The following SYT16 variants were observed in gnomAD, a reference collection of about 807,000 sequenced individuals.
SYT16 encodes synaptotagmin 16, also known as synaptotagmin-16.
In SYT16, 42 loss-of-function variants were observed where a neutral mutation model predicts 61.4. The ratio of observed to expected loss-of-function variants is 0.68; its 90% CI spans 0.53 to 0.89. The LOEUF is 0.89. SYT16 is among the 40% of genes least tolerant of loss of function. The pLI, the probability that SYT16 is intolerant of heterozygous loss-of-function variation, is 0.00. For synonymous variants in SYT16, 314 were observed against 302.3 expected, an observed-to-expected ratio of 1.04 and a Z score of -0.40; for missense variants, 804 against 807.3, an observed-to-expected ratio of 1.00 and a Z score of 0.05.
intron 1 of SYT16, chr14:61,864,894 C>T (rs1204249736): frequency 1.2e-5 from 15 of 1,239,374 alleles, no homozygotes; most frequent in Admixed American, 1.7e-5. Context: ...ACCAACTGCG[C>T]GGATGGCGGG....
intron 1 of SYT16, among the ~76,000 whole-genome samples, chr14:61,861,509 A>C (rs1189396435): frequency 6.6e-6 from 1 of 152,120 alleles, no homozygotes; most frequent in Non-Finnish European, 1.5e-5. Context: ...TCTTGGGCTC[A>C]GGCTCTTGCT....
intron 2 of SYT16, among the ~76,000 whole-genome samples, chr14:61,975,876 A>T (rs2051770208): frequency 6.6e-6 from 1 of 152,208 alleles, no homozygotes; most frequent in South Asian, 2.1e-4. Context: ...CAGTCCCCCA[A>T]AGTCTTAATT....
At chr14:61,890,214 T>C (rs1190632503) in intron 1 of SYT16, among the ~76,000 whole-genome samples, 1 of 152,152 alleles carries the variant, frequency 6.6e-6, no homozygotes, top group Non-Finnish European at 1.5e-5. Context: ...GCTTCTGGGC[T>C]GTGGGTAGTT....
chr14:61,885,335 G>GT (rs1189264697), intron 1 of SYT16, among the ~76,000 whole-genome samples: 2 of 152,114 alleles, frequency 1.3e-5, no homozygotes, highest in African/African-American at 4.8e-5. Flanking sequence ...GCCATGGAGT[G>GT]TTTTTGTGAG....
intron 3 of SYT16, among the ~76,000 whole-genome samples, chr14:61,999,533 C>T (rs1034619463): frequency 2.0e-5 from 3 of 151,556 alleles, no homozygotes; most frequent in Non-Finnish European, 4.4e-5. Flanking sequence ...GTCTATCCAC[C>T]TACCTATCTG....
At chr14:62,039,861 A>G (rs2054651524) in intron 3 of SYT16, among the ~76,000 whole-genome samples, 1 of 139,294 alleles carries the variant, frequency 7.2e-6, no homozygotes, top group African/African-American at 2.7e-5. Flanking sequence ...ACACACACAC[A>G]CACACACACA....
intron 2 of SYT16, among the ~76,000 whole-genome samples, chr14:61,979,750 C>T (rs941534317): frequency 6.6e-6 from 1 of 151,994 alleles, no homozygotes; most frequent in Admixed American, 6.6e-5. Context: ...GACGTGGTGG[C>T]GTGCATCTGT....
chr14:62,081,204 A>G lies in SYT16; in HGVS notation c.1364A>G (p.Tyr455Cys), dbSNP rs774092172. ...RERMMGEKLFYLSHLHPEGEM... is the reference protein window; with the variant it reads ...RERMMGEKLFCLSHLHPEGEM... ...AGAATGATGGGAGAGAAACTATTCT[A>G]TCTCAGCCACCTGCACCCAGAAGGG... The change falls in exon 6 of 8, where the codon TAT becomes TGT. Residue 455 changes from tyrosine (Y) to cysteine (C), a missense_variant. By Grantham distance (194) the Tyr-to-Cys change is radical. Transcript: ENST00000683842. 33 of 1,613,884 alleles carry G rather than the reference A, an allele frequency of 2.0e-5. 1 individual carries two copies. Among genetic ancestry groups the G allele is most frequent in the South Asian group, 1.8e-4 (16 of 91,080 alleles).
chr14:61,994,201 C>T (rs928503487), intron 2 of SYT16, among the ~76,000 whole-genome samples: 4 of 152,096 alleles, frequency 2.6e-5, no homozygotes, highest in African/African-American at 9.7e-5. Context: ...TCACAATCCC[C>T]CATGTTGTGA....
intron 3 of SYT16, among the ~76,000 whole-genome samples, chr14:62,013,941 G>T (rs1375611569): frequency 6.6e-6 from 1 of 150,856 alleles, no homozygotes; most frequent in Non-Finnish European, 1.5e-5. Flanking sequence ...TCCAGCCTGC[G>T]CAACAGAGCG....
chr14:62,061,482 A>AC (rs2055822633), intron 3 of SYT16, among the ~76,000 whole-genome samples: 1 of 152,134 alleles, frequency 6.6e-6, no homozygotes, highest in African/African-American at 2.4e-5. Context: ...GCAAGACCCA[A>AC]CTGTATTATA....
chr14:62,084,482 A>G (rs1475105938), intron 7 of SYT16, 97 bp downstream of exon 7: 2 of 1,369,372 alleles, frequency 1.5e-6, no homozygotes, highest in Non-Finnish European at 9.8e-7. Context: ...TACCATAAAA[A>G]TGATCTTATT....
chr14:61,957,984 G>A (rs1177993335), intron 1 of SYT16, among the ~76,000 whole-genome samples: 1 of 151,792 alleles, frequency 6.6e-6, no homozygotes, highest in Non-Finnish European at 1.5e-5. Flanking sequence ...TTTGTCATTG[G>A]TTTGTTCAGG....
chr14:62,002,621 G>A (rs1249818724), intron 3 of SYT16, among the ~76,000 whole-genome samples: 2 of 152,050 alleles, frequency 1.3e-5, no homozygotes, highest in East Asian at 1.9e-4. Context: ...TCTCTCCCCG[G>A]AGACAGGGGA....
At chr14:62,054,360 GTT>G (rs11347339) in intron 3 of SYT16, among the ~76,000 whole-genome samples, 44 of 118,232 alleles carry the variant, frequency 3.7e-4, no homozygotes, top group African/African-American at 7.1e-4. Context: ...AGTGAAGTGA[GTT>G]TTTTTTTTTT....
intron 3 of SYT16, among the ~76,000 whole-genome samples, chr14:62,068,645 C>T (rs1566816426): frequency 6.6e-6 from 1 of 152,204 alleles, no homozygotes; most frequent in African/African-American, 2.4e-5. Flanking sequence ...ATTTTACTAT[C>T]TGTATGTATC....
At chr14:62,075,752 A>G (rs2056474154) in intron 5 of SYT16, among the ~76,000 whole-genome samples, 2 of 152,158 alleles carry the variant, frequency 1.3e-5, no homozygotes, top group African/African-American at 2.4e-5. Flanking sequence ...GGACTGGTTT[A>G]TTTACTTCAT....
At chr14:61,890,794 G>C (rs1320476632) in intron 1 of SYT16, among the ~76,000 whole-genome samples, 2 of 152,204 alleles carry the variant, frequency 1.3e-5, no homozygotes, top group African/African-American at 4.8e-5. Context: ...TTCTGTGAGT[G>C]AATGGGAGAG....
rs1020968822 is a variant in SYT16 at position 62,101,796 on chromosome 14, A to C, written c.*1089A>C. Reference sequence around the variant, plus strand: ...ATTAAGTTTTTCTTTGAGCATTTGAAGTGCCTATAACTGTCATTTTTTTAT... The same window carrying C: ...ATTAAGTTTTTCTTTGAGCATTTGACGTGCCTATAACTGTCATTTTTTTAT... On this transcript the variant is annotated 3_prime_UTR_variant, in exon 8 of 8. Coordinates refer to ENST00000683842, the MANE Select transcript of SYT16 (RefSeq NM_001367656.1). 6.6e-6 allele frequency: 1 copy of C among 152,200 alleles called. No individual in the cohort carries two copies. The highest frequency in any genetic ancestry group is 2.4e-5 in the African/African-American group (1 of 41,460). 9.4% of individuals were successfully genotyped at this position (152,200 alleles called of 1,614,324 possible).
Sources: allele counts gnomAD v4.1 joint callset (sites outside exome capture counted in the v4.1 genomes callset), GRCh38; gene constraint gnomAD v4.1.1; transcripts MANE v1.5; gene names NCBI Gene and HGNC (gene_info 2026-07-23, HGNC 2026-07-21).